NSUN3: variants seen among roughly 807,000 people sequenced by gnomAD.
The protein encoded by NSUN3 is NOP2/Sun RNA methyltransferase 3.
In NSUN3, 24 loss-of-function variants were observed where a neutral mutation model predicts 36.8. The observed-to-expected ratio is 0.65, with a 90% CI of 0.47 to 0.92. The LOEUF (loss-of-function observed/expected upper bound fraction) is 0.92, where lower values mean the gene tolerates loss of function less well. Among genes scored for constraint, NSUN3 ranks in the 40% least tolerant of loss-of-function variants. The pLI, the probability that NSUN3 is intolerant of heterozygous loss-of-function variation, is 0.00. For synonymous variants in NSUN3, 146 were observed against 145.2 expected (o/e 1.01, Z -0.04); for missense variants, 381 against 392.8 (o/e 0.97, Z 0.25).
chr3:94,109,285 G>T (rs1329956710), intron 5 of NSUN3, among the ~76,000 whole-genome samples: 1 of 152,196 alleles, frequency 6.6e-6, no homozygotes, highest in Non-Finnish European at 1.5e-5. Context: ...CATCTAGAAA[G>T]AAGAGGCAAA....
intron 5 of NSUN3, among the ~76,000 whole-genome samples, chr3:94,106,392 A>G (rs1292209844): frequency 6.6e-6 from 1 of 152,198 alleles, no homozygotes; most frequent in Non-Finnish European, 1.5e-5. Context: ...TTTATCTTGA[A>G]TTTACAGAAG....
intron 3 of NSUN3, among the ~76,000 whole-genome samples, chr3:94,085,803 T>G (rs1239760188): frequency 6.6e-6 from 1 of 152,184 alleles, no homozygotes; most frequent in Non-Finnish European, 1.5e-5. Flanking sequence ...TTCACACTCC[T>G]GATTTGTAGC....
chr3:94,122,811 T>A (rs1377220370), intron 5 of NSUN3, among the ~76,000 whole-genome samples: 2 of 152,190 alleles, frequency 1.3e-5, no homozygotes, highest in African/African-American at 2.4e-5. Context: ...TGTACTTTCA[T>A]GTTGTCAAGG....
chr3:94,074,470 C>T (rs1299938529), intron 2 of NSUN3, among the ~76,000 whole-genome samples: 16 of 152,094 alleles, frequency 1.1e-4, no homozygotes, highest in Admixed American at 1.0e-3. Context: ...TGTGTCCTCT[C>T]TTATTTCCTC....
chr3:94,072,471 A>G (rs2107237344), intron 2 of NSUN3, among the ~76,000 whole-genome samples: 1 of 152,312 alleles, frequency 6.6e-6, no homozygotes, highest in East Asian at 1.9e-4. Flanking sequence ...AGTCAGTAAC[A>G]TTTATTAATA....
At chr3:94,122,180 G>A (rs1165853131) in intron 5 of NSUN3, among the ~76,000 whole-genome samples, 3 of 145,892 alleles carry the variant, frequency 2.1e-5, no homozygotes, top group African/African-American at 7.6e-5. Context: ...AACAATTTAA[G>A]TGACCTCCAT....
intron 2 of NSUN3, among the ~76,000 whole-genome samples, chr3:94,075,032 C>CA (rs1226826275): frequency 7.5e-4 from 114 of 152,096 alleles, no homozygotes; most frequent in African/African-American, 2.7e-3. Flanking sequence ...TGAAATTTGT[C>CA]AAGGTCTTTT....
At chr3:94,116,919 G>A (rs2077442107) in intron 5 of NSUN3, among the ~76,000 whole-genome samples, 1 of 144,958 alleles carries the variant, frequency 6.9e-6, no homozygotes, top group Non-Finnish European at 1.5e-5. Context: ...CATGAGATAA[G>A]TCTTGGCCAT....
rs2077508528 is a variant in NSUN3, at chr3:94,131,588, A to T, written c.*5098A>T. Among the ~76,000 whole-genome samples, 1 of 152,174 alleles carries T rather than the reference A, an allele frequency of 6.6e-6. No homozygotes were observed. Among genetic ancestry groups the T allele is most frequent in the African/African-American group, 2.4e-5 (1 of 41,446 alleles). On this transcript the variant is annotated 3_prime_UTR_variant, in exon 6 of 6. Transcript: ENST00000314622. ...TTTGATACCCAGAAATCTCCAGTGG[A>T]GGGTATTCTCTGCCTTCCTTTTCTT...
intron 2 of NSUN3, among the ~76,000 whole-genome samples, chr3:94,075,736 C>G (rs919351998): frequency 1.3e-5 from 2 of 151,908 alleles, no homozygotes; most frequent in African/African-American, 2.4e-5. Flanking sequence ...TCAAGCCCCC[C>G]CCCCCAATAA....
rs763627015 is a variant in NSUN3, at chr3:94,064,346, G to A, written c.13-91G>A. 7.9e-6 allele frequency: 6 copies of A among 756,592 alleles called. No individual in the cohort carries two copies. In the Admixed American group the frequency reaches 8.3e-5, roughly 10 times the overall value. The allele number at this position is 756,592 out of a possible 1,614,324, so 46.9% of individuals were successfully genotyped here. On this transcript the variant is annotated intron_variant, in intron 1 of 5. Transcript: ENST00000314622. The stretch of plus-strand genomic sequence containing the variant: ...GAACTAGTAATTATCCAAAAAAAGT[G>A]TTCTTGTCTTAAAAAAAGACCTTGC...
intron 5 of NSUN3, among the ~76,000 whole-genome samples, chr3:94,116,191 G>A (rs2107270431): frequency 6.6e-6 from 1 of 152,192 alleles, no homozygotes; most frequent in East Asian, 1.9e-4. Context: ...GGTCTGTCTT[G>A]TGCTAGAGAA....
intron 5 of NSUN3, among the ~76,000 whole-genome samples, chr3:94,103,224 A>T (rs1349090982): frequency 6.6e-6 from 1 of 152,036 alleles, no homozygotes. Flanking sequence ...TTAGCTAAGC[A>T]TTGCAGATTT....
intron 5 of NSUN3, among the ~76,000 whole-genome samples, chr3:94,097,983 G>T (rs903312616): frequency 2.0e-5 from 3 of 151,876 alleles, no homozygotes; most frequent in African/African-American, 7.3e-5. Context: ...TTACCGATCC[G>T]AGATCTCCAG....
At position 94,128,779 on chromosome 3, in the gene NSUN3, G is replaced by A. The variant is rs1472629319; in HGVS notation, c.*2289G>A. Among the ~76,000 whole-genome samples, 2 of 151,776 alleles carry A rather than the reference G, an allele frequency of 1.3e-5. No individual in the cohort carries two copies. The highest frequency in any genetic ancestry group is 2.9e-5 in the Non-Finnish European group (2 of 67,972). ...AGGTCTAATATCCAGAATCTATAAG[G>A]AACTTAAATCAGCAAGCAAAAAACA... On this transcript the variant is annotated 3_prime_UTR_variant, in exon 6 of 6. Coordinates refer to ENST00000314622, the MANE Select transcript of NSUN3 (RefSeq NM_022072.5).
chr3:94,066,229 G>A (rs2077203798), intron 2 of NSUN3, among the ~76,000 whole-genome samples: 1 of 152,074 alleles, frequency 6.6e-6, no homozygotes, highest in Non-Finnish European at 1.5e-5. Context: ...TTAATTAGCT[G>A]TGCCTTCTGC....
chr3:94,092,642 G>A (rs1417947430), intron 3 of NSUN3, among the ~76,000 whole-genome samples: 1 of 152,032 alleles, frequency 6.6e-6, no homozygotes, highest in Non-Finnish European at 1.5e-5. Flanking sequence ...GGTGGCTCAT[G>A]TCTGTAATCC....
intron 5 of NSUN3, among the ~76,000 whole-genome samples, chr3:94,124,777 A>G (rs915321590): frequency 1.3e-5 from 2 of 152,142 alleles, no homozygotes; most frequent in Admixed American, 6.5e-5. Context: ...GTTATATTCT[A>G]TGTCCCCCAG....
rs2077194268 is a variant in NSUN3, at chr3:94,064,347, T to C, written c.13-90T>C. The stretch of plus-strand genomic sequence containing the variant: ...AACTAGTAATTATCCAAAAAAAGTG[T>C]TCTTGTCTTAAAAAAAGACCTTGCT... On this transcript the variant is annotated intron_variant, in intron 1 of 5. Coordinates refer to ENST00000314622, the MANE Select transcript of NSUN3 (RefSeq NM_022072.5). The C allele has an allele frequency of 5.2e-6, 4 of 764,688 alleles. No individual in the cohort carries two copies. The Admixed American group carries it at 8.2e-5, about 16-fold the overall frequency. The allele number at this position is 764,688 out of a possible 1,614,324, so 47.4% of individuals were successfully genotyped here. A position where few individuals can be genotyped will look rare whatever the true frequency, so the allele number is the denominator to read the frequency against.
Sources: allele counts gnomAD v4.1 joint callset (sites outside exome capture counted in the v4.1 genomes callset), GRCh38; gene constraint gnomAD v4.1.1; transcripts MANE v1.5; gene names NCBI Gene and HGNC (gene_info 2026-07-23, HGNC 2026-07-21).